The following DGKH variants were observed in gnomAD, a reference collection of about 807,000 sequenced individuals.
The protein encoded by DGKH is DAG kinase eta.
In DGKH, 90 loss-of-function variants were observed where a neutral mutation model predicts 159.3. The observed-to-expected ratio is 0.57, with a 90% CI of 0.48 to 0.67. The LOEUF is 0.67. Ranked by LOEUF, DGKH falls within the 30% of genes least tolerant of loss-of-function variation. The pLI, the probability that DGKH is intolerant of heterozygous loss-of-function variation, is 0.00. For missense variants in DGKH, 1,181 were observed against 1,506.1 expected (o/e 0.78, Z 3.57); for synonymous variants, 536 against 553.8 (o/e 0.97, Z 0.45).
At chr13:42,214,465 T>G in intron 24 of DGKH, 42 bp from the exon 25 acceptor site, 1 of 1,585,644 alleles carries the variant, frequency 6.3e-7, no homozygotes, top group Non-Finnish European at 8.6e-7. Flanking sequence ...TGAGCAATAC[T>G]CAAAAAAGTT....
chr13:42,250,904 T>C (rs1958615808), intron 29 of DGKH, among the ~76,000 whole-genome samples: 1 of 152,212 alleles, frequency 6.6e-6, no homozygotes, highest in Admixed American at 6.5e-5. Flanking sequence ...CTATGCAATT[T>C]CAATGGGAAA....
intron 5 of DGKH, 24 bp from the exon 6 acceptor site, chr13:42,159,242 C>CTATTTTTTTT: frequency 3.8e-5 from 6 of 159,038 alleles, no homozygotes; most frequent in East Asian, 9.0e-5. Context: ...AAAGCAGTTG[C>CTATTTTTTTT]TCTTTTTTTT....
Position 42,053,333 on chromosome 13 carries a change from ATCTT to A in DGKH, c.192+4369_192+4372del, listed in dbSNP as rs1241350912. ...GAATTTAAAGTAAAATAAAAAAAAA[ATCTT>A]ACTACTACTACTAATTATATATATA... On this transcript the variant is annotated intron_variant, in intron 1 of 29. Coordinates refer to ENST00000337343, the MANE Select transcript of DGKH (RefSeq NM_178009.5). Among the ~76,000 whole-genome samples the A allele has an allele frequency of 9.4e-5, 14 of 149,224 alleles. No individual in the cohort carries two copies. The East Asian group carries it at 2.7e-3, about 29-fold the overall frequency.
chr13:42,211,174 A>G (rs1014500596), intron 24 of DGKH, among the ~76,000 whole-genome samples: 1 of 152,212 alleles, frequency 6.6e-6, no homozygotes, highest in Admixed American at 6.5e-5. Context: ...GTGTTAAACA[A>G]ATAAAAATCA....
chr13:42,130,408 C>T (rs1459605068), intron 3 of DGKH, among the ~76,000 whole-genome samples: 1 of 152,166 alleles, frequency 6.6e-6, no homozygotes, highest in African/African-American at 2.4e-5. Context: ...GATTGAGTTC[C>T]CACCATGTGT....
chr13:42,122,929 C>T (rs771830617), intron 1 of DGKH, among the ~76,000 whole-genome samples: 7 of 152,092 alleles, frequency 4.6e-5, no homozygotes, highest in Non-Finnish European at 2.9e-5. Context: ...ATTACTTTAG[C>T]CAAATAATTT....
At chr13:42,255,070 T>G (rs1958648234) in intron 30 of DGKH, among the ~76,000 whole-genome samples, 1 of 151,940 alleles carries the variant, frequency 6.6e-6, no homozygotes, top group Non-Finnish European at 1.5e-5. Flanking sequence ...TTCTTTTAGC[T>G]TTTTTACTGA....
chr13:42,048,618 C>A, upstream of DGKH: 1 of 997,124 alleles, frequency 1.0e-6, no homozygotes, highest in Non-Finnish European at 1.3e-6. The surrounding 1 kb of genome is among the most constrained non-coding windows in gnomAD (Gnocchi z 6.7). Flanking sequence ...GCGCCTGCCC[C>A]GGGCGACCCT....
At chr13:42,173,392 C>T (rs1288977924) in intron 11 of DGKH, among the ~76,000 whole-genome samples, 2 of 152,288 alleles carry the variant, frequency 1.3e-5, no homozygotes, top group East Asian at 3.9e-4. Context: ...TTCTCTAACA[C>T]CAAATGATTT....
chr13:42,079,118 G>A (rs1215084925), intron 1 of DGKH, among the ~76,000 whole-genome samples: 2 of 151,774 alleles, frequency 1.3e-5, no homozygotes, highest in Non-Finnish European at 2.9e-5. Context: ...GTTTTGCCAT[G>A]TTGCCCAGGC....
intron 1 of DGKH, among the ~76,000 whole-genome samples, chr13:42,059,980 A>G (rs2137663720): frequency 6.7e-6 from 1 of 149,798 alleles, no homozygotes; most frequent in South Asian, 2.1e-4. Flanking sequence ...ATCTTGGCTC[A>G]CTGCAAACTC....
intron 21 of DGKH, among the ~76,000 whole-genome samples, chr13:42,207,062 C>T (rs9562386): frequency 0.6 from 39,007 of 64,624 alleles, 14,795 homozygotes; most frequent in South Asian, 0.65. Flanking sequence ...TCTTTCCTTC[C>T]TTCTTTCTTT....
intron 1 of DGKH, among the ~76,000 whole-genome samples, chr13:42,087,904 A>G (rs935853431): frequency 2.0e-5 from 3 of 152,134 alleles, no homozygotes; most frequent in African/African-American, 7.2e-5. Flanking sequence ...TAAATTCACA[A>G]AATCCAAGAA....
intron 1 of DGKH, among the ~76,000 whole-genome samples, chr13:42,055,502 A>G (rs1278068564): frequency 2.6e-5 from 4 of 152,220 alleles, no homozygotes; most frequent in South Asian, 4.1e-4. Flanking sequence ...TAACTTAACG[A>G]TGCCGTATTT....
intron 1 of DGKH, among the ~76,000 whole-genome samples, chr13:42,102,854 A>C (rs189543866): frequency 1.2e-3 from 189 of 152,368 alleles, no homozygotes; most frequent in African/African-American, 4.2e-3. Context: ...GAATGACTTT[A>C]GATGCCTGGA....
At chr13:42,056,376 T>G (rs1290363423) in intron 1 of DGKH, among the ~76,000 whole-genome samples, 2 of 152,246 alleles carry the variant, frequency 1.3e-5, no homozygotes, top group Non-Finnish European at 2.9e-5. Flanking sequence ...CTTCTCACTG[T>G]GTCATTTGAG....
chr13:42,129,438 A>T, intron 2 of DGKH, 114 bp from the exon 3 acceptor site: 1 of 812,038 alleles, frequency 1.2e-6, no homozygotes, highest in Non-Finnish European at 1.9e-6. Context: ...AGTACCACCA[A>T]CTTAACTTTT....
At chr13:42,179,813 AG>A (rs1221791226) in intron 13 of DGKH, among the ~76,000 whole-genome samples, 56 of 152,106 alleles carry the variant, frequency 3.7e-4, no homozygotes, top group African/African-American at 1.2e-3. Flanking sequence ...ATTAGAGAAA[AG>A]GTTTCCACTG....
chr13:42,066,010 G>C (rs897843606), intron 1 of DGKH: 1 of 152,254 alleles, frequency 6.6e-6, no homozygotes, highest in Non-Finnish European at 1.5e-5. Context: ...CAATTCTCCT[G>C]CCTCAGCCTC....
Sources: gnomAD v4.1 joint callset for allele counts (sites outside exome capture counted in the v4.1 genomes callset) on GRCh38, gnomAD v4.1.1 for gene constraint, Gnocchi (gnomAD v3.1) non-coding constraint, MANE v1.5 for transcripts, NCBI Gene and HGNC (gene_info 2026-07-23, HGNC 2026-07-21) for gene names.